The following RANBP2 variants were observed in gnomAD, a reference collection of about 807,000 sequenced individuals.
RANBP2 encodes E3 SUMO-protein ligase RanBP2.
A neutral mutation model predicts 303.6 loss-of-function variants in RANBP2; 57 were observed. That is an observed-to-expected ratio of 0.19 (90% CI 0.15 to 0.23). The LOEUF (loss-of-function observed/expected upper bound fraction) is 0.23. Among genes scored for constraint, RANBP2 ranks in the 10% least tolerant of loss-of-function variants. The pLI, the probability that RANBP2 is intolerant of heterozygous loss-of-function variation, is 1.00. For missense variants in RANBP2, 3,138 were observed against 3,780.8 expected (o/e 0.83, Z 4.46); for synonymous variants, 1,167 against 1,301.5 (o/e 0.90, Z 2.23).
chr2:109,678,947 C>T, the RANBP2 span, among the ~76,000 whole-genome samples: 6 of 152,212 alleles, frequency 3.9e-5, no homozygotes, highest in African/African-American at 1.4e-4. Context: ...GCGCTGCCCA[C>T]ACCCTGAGCT....
the RANBP2 span, among the ~76,000 whole-genome samples, chr2:109,620,617 A>T: frequency 6.6e-6 from 1 of 152,092 alleles, no homozygotes; most frequent in South Asian, 2.1e-4. Flanking sequence ...CAGGAGAATC[A>T]CTTGAACCCG....
chr2:109,136,043 G>A, the RANBP2 span, among the ~76,000 whole-genome samples: 1 of 152,162 alleles, frequency 6.6e-6, no homozygotes, highest in Non-Finnish European at 1.5e-5. Flanking sequence ...GCTGCTTGCT[G>A]TGATGGAGCT....
the RANBP2 span, among the ~76,000 whole-genome samples, chr2:109,043,369 GTCT>G: frequency 5.9e-5 from 9 of 151,590 alleles, no homozygotes; most frequent in Non-Finnish European, 1.0e-4. Context: ...TTGAGACGGA[GTCT>G]TCTTCTGTCC....
chr2:109,169,247 A>C, the RANBP2 span, among the ~76,000 whole-genome samples: 1 of 152,218 alleles, frequency 6.6e-6, no homozygotes, highest in Admixed American at 6.5e-5. Flanking sequence ...AAGCATTTAA[A>C]ATCATTTGGA....
At chr2:108,911,052 G>A in the RANBP2 span, 1 of 1,614,204 alleles carries the variant, frequency 6.2e-7, no homozygotes, top group South Asian at 1.1e-5. Flanking sequence ...GCAGTGGCCA[G>A]GTGTCCTTGG....
the RANBP2 span, among the ~76,000 whole-genome samples, chr2:109,486,392 A>C: frequency 2.6e-5 from 4 of 152,226 alleles, no homozygotes; most frequent in Non-Finnish European, 5.9e-5. Flanking sequence ...CTCCCAAGGC[A>C]AGGCAGGTGG....
the RANBP2 span, among the ~76,000 whole-genome samples, chr2:108,948,323 T>C: frequency 6.6e-6 from 1 of 152,232 alleles, no homozygotes. Flanking sequence ...CGTTCCCATG[T>C]CTTCCTGTCT....
At chr2:109,141,021 G>A in the RANBP2 span, among the ~76,000 whole-genome samples, 1 of 152,138 alleles carries the variant, frequency 6.6e-6, no homozygotes, top group Non-Finnish European at 1.5e-5. Context: ...TTGGGCAGGC[G>A]GTATCTGGCT....
At chr2:109,067,171 C>T in the RANBP2 span, among the ~76,000 whole-genome samples, 11 of 152,052 alleles carry the variant, frequency 7.2e-5, no homozygotes, top group Admixed American at 4.6e-4. Context: ...CAGCGAAGGA[C>T]GCACAGTGAG....
the RANBP2 span, among the ~76,000 whole-genome samples, chr2:109,418,766 C>T: frequency 5.9e-5 from 9 of 152,328 alleles, no homozygotes; most frequent in South Asian, 2.1e-4. Context: ...CATTGAATGC[C>T]TCTGAACAGG....
the RANBP2 span, chr2:108,910,807 C>T: frequency 1.2e-6 from 2 of 1,613,904 alleles, no homozygotes; most frequent in Non-Finnish European, 1.7e-6. Context: ...CGTCCTTGCT[C>T]ACTTGGGCCT....
chr2:109,316,323 A>T, the RANBP2 span, among the ~76,000 whole-genome samples: 28 of 152,124 alleles, frequency 1.8e-4, no homozygotes, highest in East Asian at 1.6e-3. Flanking sequence ...TGGAGGGAGG[A>T]CATGTTGCCA....
At chr2:109,111,319 T>G in the RANBP2 span, among the ~76,000 whole-genome samples, 1 of 152,180 alleles carries the variant, frequency 6.6e-6, no homozygotes, top group Non-Finnish European at 1.5e-5. Context: ...AAATATAGCT[T>G]TATTATGGGA....
chr2:109,230,174 C>G, the RANBP2 span, among the ~76,000 whole-genome samples: 62 of 151,808 alleles, frequency 4.1e-4, 1 homozygote, highest in African/African-American at 1.5e-3. Flanking sequence ...TATGGATATA[C>G]TATATATTGT....
the RANBP2 span, chr2:108,856,667 A>C: frequency 1.2e-6 from 1 of 800,754 alleles, no homozygotes; most frequent in Non-Finnish European, 2.0e-6. Flanking sequence ...TTAGACTGTG[A>C]TCTCTTATTT....
chr2:109,340,068 G>A, the RANBP2 span, among the ~76,000 whole-genome samples: 6 of 152,186 alleles, frequency 3.9e-5, no homozygotes, highest in Admixed American at 3.9e-4. Context: ...CCTGTGAGCA[G>A]TAATCGGGTT....
the RANBP2 span, among the ~76,000 whole-genome samples, chr2:109,496,874 T>A: frequency 6.6e-6 from 1 of 152,118 alleles, no homozygotes; most frequent in African/African-American, 2.4e-5. Context: ...CCCTGTGTAA[T>A]CACAAAGGGT....
chr2:108,893,248 C>T, the RANBP2 span, among the ~76,000 whole-genome samples: 86 of 152,130 alleles, frequency 5.7e-4, no homozygotes, highest in Non-Finnish European at 1.2e-3. Context: ...TAGAAGTACA[C>T]CTTCTAACAG....
the RANBP2 span, among the ~76,000 whole-genome samples, chr2:108,917,769 A>G: frequency 1.4e-3 from 218 of 152,188 alleles, no homozygotes; most frequent in Admixed American, 3.5e-3. Flanking sequence ...CACTACACAT[A>G]TAACCCACAA....
Sources: gnomAD v4.1 joint callset for allele counts (sites outside exome capture counted in the v4.1 genomes callset) on GRCh38, gnomAD v4.1.1 for gene constraint, MANE v1.5 for transcripts, NCBI Gene and HGNC (gene_info 2026-07-23, HGNC 2026-07-21) for gene names.